ASB3: variants seen among roughly 807,000 people sequenced by gnomAD.
ASB3 encodes the protein ankyrin repeat and SOCS box containing 3, also known as ankyrin repeat and SOCS box protein 3.
A neutral mutation model predicts 54.5 loss-of-function variants in ASB3; 41 were observed. The observed-to-expected ratio is 0.75, with a 90% CI of 0.59 to 0.98. The LOEUF is 0.98. Ranked by LOEUF, ASB3 falls within the 50% of genes least tolerant of loss-of-function variation. The pLI is 0.00. For synonymous variants in ASB3, 266 were observed against 221.2 expected, an observed-to-expected ratio of 1.20 and a Z score of -1.80; for missense variants, 733 against 620.0, an observed-to-expected ratio of 1.18 and a Z score of -1.94.
At chr2:53,706,867 C>T (rs1055202617) in intron 7 of ASB3, among the ~76,000 whole-genome samples, 2 of 152,216 alleles carry the variant, frequency 1.3e-5, no homozygotes, top group African/African-American at 4.8e-5. Context: ...TCCATTCTCA[C>T]AATCTGGTAA....
intron 2 of ASB3, among the ~76,000 whole-genome samples, chr2:53,758,635 A>C (rs1179113361): frequency 1.3e-5 from 2 of 152,182 alleles, no homozygotes; most frequent in Non-Finnish European, 2.9e-5. Context: ...CTTTGTGGTC[A>C]AGAAAGGTGG....
In ASB3 at chr2:53,693,927, G is replaced by A; in HGVS notation, c.1326C>T (p.Leu442=). 3 of 1,613,662 alleles carry A rather than the reference G, an allele frequency of 1.9e-6. No homozygotes were observed. Among genetic ancestry groups the A allele is most frequent in the Non-Finnish European group, 1.7e-6 (2 of 1,179,652 alleles). ...TCCAAGCGTTTGAGGCACGAGCAGAGAGCATCCTTTCAACAGCTGGTGCAA... is the reference window on the plus strand; with the variant it reads ...TCCAAGCGTTTGAGGCACGAGCAGAAAGCATCCTTTCAACAGCTGGTGCAA... The part of the protein sequence containing the change: ...KTLAPAVERM[L]SARASNAWIL... The change falls in exon 9 of 10, where the codon CTC becomes CTT. Residue 442 remains leucine (L), a synonymous_variant. Coordinates refer to ENST00000263634, the MANE Select transcript of ASB3 (RefSeq NM_016115.5).
At chr2:53,767,870 A>G in intron 1 of ASB3, 1 of 1,598,116 alleles carries the variant, frequency 6.3e-7, no homozygotes, top group Non-Finnish European at 8.5e-7. Context: ...CCACTGGGGC[A>G]GAGGAGCCGC....
chr2:53,749,780 G>A (rs555410524), intron 3 of ASB3, among the ~76,000 whole-genome samples: 3 of 152,028 alleles, frequency 2.0e-5, no homozygotes, highest in Admixed American at 2.0e-4. Context: ...CTGGGGAGAG[G>A]GAAGAAAATA....
At position 53,673,259 on chromosome 2, in the gene ASB3, G is replaced by A. The variant is rs145355045; in HGVS notation, c.1370-2569C>T. On this transcript the variant is annotated intron_variant, in intron 9 of 9. Coordinates refer to ENST00000263634, the MANE Select transcript of ASB3 (RefSeq NM_016115.5). ...TCATTCTGCACATTCTTAGGAACAT[G>A]AATACTTACTACACAACCAGAAGGA... 2.9e-3 allele frequency among the ~76,000 whole-genome samples: 440 copies of A among 152,292 alleles called. 1 individual carries two copies. The highest frequency in any genetic ancestry group is 0.01 in the African/African-American group (426 of 41,560).
At chr2:53,770,147 C>G (rs971514972) in intron 1 of ASB3, among the ~76,000 whole-genome samples, 2 of 152,014 alleles carry the variant, frequency 1.3e-5, no homozygotes, top group African/African-American at 4.8e-5. Flanking sequence ...AAAAAGAAAA[C>G]AAGTCAGAAA....
At chr2:53,708,726 A>C (rs975977874) in intron 7 of ASB3, among the ~76,000 whole-genome samples, 7 of 152,244 alleles carry the variant, frequency 4.6e-5, no homozygotes, top group Non-Finnish European at 1.0e-4. Flanking sequence ...AGCAAAGGTC[A>C]CTTTTGTTAT....
At chr2:53,717,412 C>T (rs1046409005) in intron 5 of ASB3, among the ~76,000 whole-genome samples, 1 of 152,044 alleles carries the variant, frequency 6.6e-6, no homozygotes, top group Non-Finnish European at 1.5e-5. Flanking sequence ...ATAACCACTG[C>T]ATGATAAATA....
chr2:53,744,328 G>A (rs1672105077), intron 3 of ASB3, among the ~76,000 whole-genome samples: 1 of 147,724 alleles, frequency 6.8e-6, no homozygotes, highest in East Asian at 2.1e-4. Flanking sequence ...AGCTTGCAGT[G>A]AGCCGAGATA....
chr2:53,765,826 G>A (rs955028383), intron 1 of ASB3, among the ~76,000 whole-genome samples: 3 of 152,180 alleles, frequency 2.0e-5, no homozygotes, highest in African/African-American at 7.2e-5. Context: ...GGACTTTTAA[G>A]TGTTCTATCT....
chr2:53,769,490 G>A (rs1673740478), intron 1 of ASB3, among the ~76,000 whole-genome samples: 1 of 152,200 alleles, frequency 6.6e-6, no homozygotes, highest in African/African-American at 2.4e-5. Context: ...TATGTATGCT[G>A]TCAGAATAGA....
chr2:53,694,020 T>C lies in ASB3; in HGVS notation c.1239-6A>G. The stretch of plus-strand genomic sequence containing the variant: ...CAATGCTGACTGAGTCAATCCTATG[T>C]TAGCAAGATGTTAATATAATATTAG... On this transcript the variant is annotated splice_region_variant and splice_polypyrimidine_tract_variant and intron_variant, in intron 8 of 9. Transcript: ENST00000263634. The C allele has an allele frequency of 1.2e-6, 2 of 1,612,664 alleles. No individual in the cohort carries two copies. The highest frequency in any genetic ancestry group is 1.7e-6 in the Non-Finnish European group (2 of 1,179,102).
chr2:53,699,492 G>A (rs1000290836), intron 8 of ASB3, among the ~76,000 whole-genome samples: 2 of 152,200 alleles, frequency 1.3e-5, no homozygotes, highest in African/African-American at 4.8e-5. Context: ...TTTCTAAGAA[G>A]ACAATTAGTG....
At position 53,723,737 on chromosome 2, in the gene ASB3, C is replaced by A. The variant is rs113979850; in HGVS notation, c.604+4975G>T. ...CATGGTCCTGGTACAAAAACAGACACAAAGACCAATGGAATAGAATAGAGA... is the reference window on the plus strand; with the variant it reads ...CATGGTCCTGGTACAAAAACAGACAAAAAGACCAATGGAATAGAATAGAGA... On this transcript the variant is annotated intron_variant, in intron 5 of 9. Transcript: ENST00000263634. Among the ~76,000 whole-genome samples, 1,072 of 152,216 alleles carry A rather than the reference C, an allele frequency of 7.0e-3. 24 individuals are homozygous for A. Among genetic ancestry groups the A allele is most frequent in the African/African-American group, 0.025 (1,021 of 41,538 alleles).
At chr2:53,762,591 G>A (rs968169008) in intron 2 of ASB3, among the ~76,000 whole-genome samples, 4 of 152,120 alleles carry the variant, frequency 2.6e-5, no homozygotes, top group Admixed American at 2.6e-4. Context: ...TTAGCTATAT[G>A]CTTAATAATT....
At chr2:53,726,903 G>A (rs533972664) in intron 5 of ASB3, among the ~76,000 whole-genome samples, 78 of 151,944 alleles carry the variant, frequency 5.1e-4, no homozygotes, top group African/African-American at 1.8e-3. Flanking sequence ...CATGTTGGCT[G>A]GGCTGGTCTC....
intron 1 of ASB3, among the ~76,000 whole-genome samples, chr2:53,766,320 A>G (rs551541138): frequency 6.6e-6 from 1 of 152,330 alleles, no homozygotes; most frequent in South Asian, 2.1e-4. Context: ...CTCCAGTCAG[A>G]GTCCAGTATA....
chr2:53,779,537 A>G (rs1448796830), intron 1 of ASB3, among the ~76,000 whole-genome samples: 1 of 152,112 alleles, frequency 6.6e-6, no homozygotes, highest in Non-Finnish European at 1.5e-5. Flanking sequence ...CCCAGGCTCA[A>G]GCAATCCTCC....
chr2:53,765,788 T>C (rs1250648077), intron 1 of ASB3, among the ~76,000 whole-genome samples: 1 of 152,210 alleles, frequency 6.6e-6, no homozygotes, highest in African/African-American at 2.4e-5. Context: ...TTGGAATTCC[T>C]TGGAAGGTTC....
Sources: gnomAD v4.1 joint callset for allele counts (sites outside exome capture counted in the v4.1 genomes callset) on GRCh38, gnomAD v4.1.1 for gene constraint, MANE v1.5 for transcripts, NCBI Gene and HGNC (gene_info 2026-07-23, HGNC 2026-07-21) for gene names.